The following PPARGC1B variants were observed in gnomAD, a reference collection of about 807,000 sequenced individuals.
PPARGC1B encodes the protein PPARG coactivator 1 beta.
In PPARGC1B, 34 loss-of-function variants were observed where a neutral mutation model predicts 101.6. The observed-to-expected ratio is 0.33, with a 90% CI of 0.25 to 0.45. The LOEUF (loss-of-function observed/expected upper bound fraction) is 0.45, where lower values mean the gene tolerates loss of function less well. Ranked by LOEUF, PPARGC1B falls within the 20% of genes least tolerant of loss-of-function variation. PPARGC1B has a pLI of 1.00. For synonymous variants in PPARGC1B, 548 were observed against 539.3 expected (o/e 1.02, Z -0.22); for missense variants, 1,234 against 1,317.6 (o/e 0.94, Z 0.98).
intron 10 of PPARGC1B, 57 bp from the exon 11 acceptor site, chr5:149,845,703 C>A: frequency 2.0e-6 from 3 of 1,534,060 alleles, no homozygotes; most frequent in Non-Finnish European, 2.6e-6. Flanking sequence ...AATGGGTGGT[C>A]TCACAGTGTC....
rs529398476 is a variant in PPARGC1B, at chr5:149,844,376, A to G, written c.2817-1384A>G. Among the ~76,000 whole-genome samples, 4 of 152,374 alleles carry G rather than the reference A, an allele frequency of 2.6e-5. No individual in the cohort carries two copies. In the South Asian group the frequency reaches 8.3e-4, roughly 32 times the overall value. On this transcript the variant is annotated intron_variant, in intron 10 of 11. Transcript: ENST00000309241. ...ATTAAAGAGGAAGAAGGGTCCGGGC[A>G]TGGTGGCTCACGCCTGTAATCCCAA... is the stretch of plus-strand genomic sequence containing the variant.
chr5:149,835,169 C>A, intron 6 of PPARGC1B, 132 bp from the exon 7 acceptor site: 1 of 816,160 alleles, frequency 1.2e-6, no homozygotes, highest in Non-Finnish European at 2.1e-6. Context: ...GCGAATGCAT[C>A]TCAGGCTCCA....
chr5:149,737,406 T>C (rs908249493), intron 1 of PPARGC1B, among the ~76,000 whole-genome samples: 19 of 152,204 alleles, frequency 1.2e-4, no homozygotes, highest in Non-Finnish European at 2.6e-4. Flanking sequence ...ATTTTCCTCC[T>C]GGAGGCTTAG....
chr5:149,846,461 C>T (rs1759562725), intron 11 of PPARGC1B: 1 of 157,638 alleles, frequency 6.3e-6, no homozygotes, highest in African/African-American at 2.4e-5. Context: ...TAGTGAAATC[C>T]TGTCTCTACA....
chr5:149,770,684 T>C (rs1457794793), intron 1 of PPARGC1B, among the ~76,000 whole-genome samples: 1 of 150,350 alleles, frequency 6.7e-6, no homozygotes, highest in Non-Finnish European at 1.5e-5. Flanking sequence ...AAAAAAAAAA[T>C]CTGCTGAGTG....
At position 149,794,549 on chromosome 5, in the gene PPARGC1B, CACACAT is replaced by C. The variant is rs772992455; in HGVS notation, c.79-25883_79-25878del. Among the ~76,000 whole-genome samples the C allele has an allele frequency of 2.4e-3, 347 of 144,310 alleles. 1 individual carries two copies. The highest frequency in any genetic ancestry group is 6.3e-3 in the African/African-American group (253 of 40,434). 94.7% of individuals were successfully genotyped at this position (144,310 alleles called of 152,430 possible). On this transcript the variant is annotated intron_variant, in intron 1 of 11. Transcript: ENST00000309241. The stretch of plus-strand genomic sequence containing the variant: ...GCACACACACACACACACACACACA[CACACAT>C]TCAAGCAAAATTCCCTAAGCAGTAA...
intron 1 of PPARGC1B, among the ~76,000 whole-genome samples, chr5:149,768,475 G>C (rs1237129755): frequency 8.3e-6 from 1 of 119,940 alleles, no homozygotes; most frequent in Non-Finnish European, 1.7e-5. Flanking sequence ...ACAGAGTCTT[G>C]CTCTGTCGCC....
intron 1 of PPARGC1B, among the ~76,000 whole-genome samples, chr5:149,801,357 C>T (rs1481226869): frequency 6.6e-6 from 1 of 152,112 alleles, no homozygotes; most frequent in Non-Finnish European, 1.5e-5. Context: ...AAAAAAGTTT[C>T]CTCCAGGAAG....
At chr5:149,821,654 C>T (rs1405846468) in intron 2 of PPARGC1B, among the ~76,000 whole-genome samples, 1 of 152,186 alleles carries the variant, frequency 6.6e-6, no homozygotes, top group Non-Finnish European at 1.5e-5. Flanking sequence ...GTGCCGCAAG[C>T]GTCCTCTCCA....
intron 1 of PPARGC1B, among the ~76,000 whole-genome samples, chr5:149,763,372 A>T (rs987537414): frequency 5.9e-5 from 9 of 152,164 alleles, no homozygotes; most frequent in African/African-American, 2.2e-4. Flanking sequence ...GCTGTTGGTC[A>T]TGAAGAGTGG....
intron 1 of PPARGC1B, among the ~76,000 whole-genome samples, chr5:149,743,949 G>T (rs189874192): frequency 5.7e-4 from 87 of 152,292 alleles, no homozygotes; most frequent in Non-Finnish European, 1.1e-3. Flanking sequence ...CTGCAGGGAG[G>T]TGTCTGGTCA....
Position 149,833,691 on chromosome 5 carries a change from C to T in PPARGC1B, c.1618C>T (p.Pro540Ser). ...CCAAGACCAGCAGCTCCTACGGGGA[C>T]CCCAGATCCCTGCCCTGGAGAGCCC... ...SGQDQQLLRG[P>S]QIPALESPCE... Residue 540 changes from proline (P) to serine (S), a missense_variant, in exon 5 of 12, where the codon CCC (proline) becomes TCC (serine). Around this residue, in one of 3 missense-constraint regions of PPARGC1B, gnomAD observed 734 missense variants for 768.4 expected, o/e 0.96. Coordinates refer to ENST00000309241, the MANE Select transcript of PPARGC1B (RefSeq NM_133263.4). This position sits in a 1 kb window ranked among gnomAD's most constrained non-coding sequence, Gnocchi z 4.1. 1 of 1,608,328 alleles carries T rather than the reference C, an allele frequency of 6.2e-7. No individual in the cohort carries two copies. Among genetic ancestry groups the T allele is most frequent in the South Asian group, 1.1e-5 (1 of 89,954 alleles).
At chr5:149,821,218 C>T (rs112213872) in intron 2 of PPARGC1B, among the ~76,000 whole-genome samples, 42 of 152,324 alleles carry the variant, frequency 2.8e-4, no homozygotes, top group African/African-American at 9.9e-4. Context: ...ATACAATTAT[C>T]TCCCTTTTTC....
intron 1 of PPARGC1B, among the ~76,000 whole-genome samples, chr5:149,784,560 C>CTTTTTTTTTTTTTTTTTTTTT (rs72364863): frequency 1.3e-5 from 1 of 75,704 alleles, no homozygotes; most frequent in Admixed American, 2.0e-4. Flanking sequence ...AACTGAGTTT[C>CTTTTTTTTTTTTTTTTTTTTT]TTTTTTTTTT....
At chr5:149,778,208 C>G (rs940001534) in intron 1 of PPARGC1B, among the ~76,000 whole-genome samples, 1 of 151,856 alleles carries the variant, frequency 6.6e-6, no homozygotes, top group Non-Finnish European at 1.5e-5. Context: ...TCAGCTGGGT[C>G]TCAGCAGGTG....
In PPARGC1B at chr5:149,850,117, G is replaced by A. The variant is rs779091914; in HGVS notation, c.*2559G>A. ...ACCAAGAATTTCCTTTGTAACTTTG[G>A]TAAGTCCCTTTTACTCCCTGGCACC... On this transcript the variant is annotated 3_prime_UTR_variant, in exon 12 of 12. Coordinates refer to ENST00000309241, the MANE Select transcript of PPARGC1B (RefSeq NM_133263.4). 1.3e-5 allele frequency: 2 copies of A among 152,206 alleles called. No homozygotes were observed. Among genetic ancestry groups the A allele is most frequent in the Admixed American group, 6.5e-5 (1 of 15,274 alleles). 9.4% of individuals were successfully genotyped at this position (152,206 alleles called of 1,614,324 possible). A position where few individuals can be genotyped will look rare whatever the true frequency, so the allele number is the denominator to read the frequency against.
At chr5:149,807,413 G>A (rs911229316) in intron 1 of PPARGC1B, among the ~76,000 whole-genome samples, 9 of 151,924 alleles carry the variant, frequency 5.9e-5, no homozygotes, top group African/African-American at 1.7e-4. Context: ...GTCAGTGGTC[G>A]CCCCTTCAGC....
intron 1 of PPARGC1B, among the ~76,000 whole-genome samples, chr5:149,801,833 G>A (rs1413296656): frequency 1.3e-5 from 2 of 152,202 alleles, no homozygotes; most frequent in Non-Finnish European, 2.9e-5. Flanking sequence ...GGAAGGCCCA[G>A]CAACCCAGAG....
chr5:149,774,571 G>T (rs1057498584), intron 1 of PPARGC1B, among the ~76,000 whole-genome samples: 1 of 151,840 alleles, frequency 6.6e-6, no homozygotes, highest in Non-Finnish European at 1.5e-5. Context: ...AGGACTCCCA[G>T]CTTTGACATT....
Sources: allele counts gnomAD v4.1 joint callset (sites outside exome capture counted in the v4.1 genomes callset), GRCh38; gene constraint gnomAD v4.1.1; regional missense constraint gnomAD v4.1.1; non-coding constraint Gnocchi (gnomAD v3.1); transcripts MANE v1.5; gene names NCBI Gene and HGNC (gene_info 2026-07-23, HGNC 2026-07-21).